POMT2: variants seen among roughly 807,000 people sequenced by gnomAD.
POMT2 encodes protein O-mannosyltransferase 2, also known as protein O-mannosyl-transferase 2.
POMT2 carries 75 observed loss-of-function variants against 100.0 expected under a neutral mutation model. The ratio of observed to expected loss-of-function variants is 0.75; its 90% confidence interval spans 0.62 to 0.91. The LOEUF (loss-of-function observed/expected upper bound fraction) is 0.91, where lower values mean the gene tolerates loss of function less well. Among genes scored for constraint, POMT2 ranks in the 40% least tolerant of loss-of-function variants. The pLI, the probability that POMT2 is intolerant of heterozygous loss-of-function variation, is 0.00. For synonymous variants in POMT2, 378 were observed against 374.1 expected (o/e 1.01, Z -0.12); for missense variants, 940 against 955.1 (o/e 0.98, Z 0.21).
chr14:77,288,812 G>A lies in POMT2; in HGVS notation c.1203C>T (p.Phe401=), dbSNP rs1487520826. The change falls in exon 11 of 21, where the codon TTC becomes TTT. Residue 401 remains phenylalanine, a synonymous_variant. Transcript: ENST00000261534. The stretch of plus-strand genomic sequence containing the variant: ...CTCCATGTCTTACAAACTCCACTGG[G>A]AAGGAAGGGTCTAGGGGATCTGCCA... ...NTNSDPLDPS[F]PVEFVRHGDI... is the part of the protein sequence containing the mutation. 1.9e-6 allele frequency: 3 copies of A among 1,613,906 alleles called. No homozygotes were observed. Among genetic ancestry groups the A allele is most frequent in the Middle Eastern group, 1.6e-4 (1 of 6,062 alleles).
intron 16 of POMT2, 44 bp downstream of exon 16, chr14:77,280,348 T>C (rs1375038590): frequency 1.6e-5 from 26 of 1,613,538 alleles, no homozygotes; most frequent in Non-Finnish European, 2.2e-5. Context: ...CTGCTCTTGT[T>C]CTTGGCTCCA....
At position 77,306,367 on chromosome 14, in the gene POMT2, A is replaced by G. The variant is rs1891229913; in HGVS notation, c.408T>C (p.Tyr136=). 1 of 1,613,180 alleles carries G rather than the reference A, an allele frequency of 6.2e-7. No individual in the cohort carries two copies. Among genetic ancestry groups the G allele is most frequent in the Middle Eastern group, 1.7e-4 (1 of 6,058 alleles). The change falls in exon 3 of 21, where the codon TAT becomes TAC. Residue 136 remains tyrosine (Y), a synonymous_variant. Transcript: ENST00000261534. ...TFLFQKPGDK[Y]EHHSYMGMRG... The stretch of plus-strand genomic sequence containing the variant: ...TCATTCCCATGTAGCTGTGATGCTC[A>G]TATTTATCCCCAGGCTTCTGGAACA...
intron 10 of POMT2, among the ~76,000 whole-genome samples, chr14:77,290,205 G>C (rs979410684): frequency 6.6e-6 from 1 of 152,154 alleles, no homozygotes; most frequent in Non-Finnish European, 1.5e-5. Context: ...AGTCACAATG[G>C]AATAACAGAC....
chr14:77,280,831 C>T (rs566614843), intron 15 of POMT2, among the ~76,000 whole-genome samples: 1 of 152,310 alleles, frequency 6.6e-6, no homozygotes, highest in East Asian at 1.9e-4. Context: ...GTGGCTCATG[C>T]CTGTAACCCC....
chr14:77,306,420 A>G lies in POMT2; in HGVS notation c.355T>C (p.Tyr119His). ...AAGGTACCATCATATCCACTCAGGT[A>G]GCCAGCAAGACCTATCAGCATCTGA... is the stretch of plus-strand genomic sequence containing the variant. ...LGKMLIGLAG[Y>H]LSGYDGTFLF... The change falls in exon 3 of 21, where the codon TAC becomes CAC. Residue 119 changes from tyrosine (Y) to histidine (H), a missense_variant. By Grantham distance (83) the Tyr-to-His change is moderately conservative. Coordinates refer to ENST00000261534, the MANE Select transcript of POMT2 (RefSeq NM_013382.7). The G allele has an allele frequency of 6.2e-7, 1 of 1,612,862 alleles. No individual in the cohort carries two copies. The highest frequency in any genetic ancestry group is 8.5e-7 in the Non-Finnish European group (1 of 1,178,942).
rs145472891 is a variant in POMT2, at chr14:77,295,995, T to C, written c.1116+169A>G. Among the ~76,000 whole-genome samples, 191 of 152,164 alleles carry C rather than the reference T, an allele frequency of 1.3e-3. 1 individual carries two copies. Among genetic ancestry groups the C allele is most frequent in the African/African-American group, 4.3e-3 (180 of 41,524 alleles). ...CATGGTTGTCACTAAAGAACACCTA[T>C]GCTGATGCCTAGAGAAGCTGGGGTT... On this transcript the variant is annotated intron_variant, in intron 9 of 20. Coordinates refer to ENST00000261534, the MANE Select transcript of POMT2 (RefSeq NM_013382.7).
chr14:77,279,753 C>A, intron 18 of POMT2, 70 bp downstream of exon 18: 1 of 1,470,282 alleles, frequency 6.8e-7, no homozygotes, highest in Non-Finnish European at 9.3e-7. Context: ...AGCAGGCAGC[C>A]GGCCCTCCCC....
intron 2 of POMT2, among the ~76,000 whole-genome samples, chr14:77,311,310 C>A (rs1347498823): frequency 6.6e-6 from 1 of 152,148 alleles, no homozygotes; most frequent in Admixed American, 6.5e-5. Flanking sequence ...GCAATGTATT[C>A]CTATTTCTTT....
intron 1 of POMT2, among the ~76,000 whole-genome samples, chr14:77,315,274 G>A (rs1344479003): frequency 6.6e-6 from 1 of 152,180 alleles, no homozygotes; most frequent in Non-Finnish European, 1.5e-5. Flanking sequence ...CACTGGGGAG[G>A]TCGTGATGCA....
intron 11 of POMT2, chr14:77,287,561 T>TAA (rs33924388): frequency 7.4e-6 from 1 of 135,706 alleles, no homozygotes; most frequent in African/African-American, 2.8e-5. Flanking sequence ...TATATATATA[T>TAA]ACCCACACAC....
chr14:77,306,391 CA>C lies in POMT2; in HGVS notation c.383del (p.Leu128CysfsTer17). 5 of 1,613,248 alleles carry C rather than the reference CA, an allele frequency of 3.1e-6. No individual in the cohort carries two copies. The highest frequency in any genetic ancestry group is 4.2e-6 in the Non-Finnish European group (5 of 1,179,256). On this transcript the variant is annotated frameshift_variant, in exon 3 of 21. Transcript: ENST00000261534. LOFTEE classifies it high-confidence loss of function. Reference protein sequence around the residue: ...GYLSGYDGTFLFQKPGDKYEH... With the variant: ...GYLSGYDGTFXFQKPGDKYEH... ...CATATTTATCCCCAGGCTTCTGGAA[CA>C]AAAAGGTACCATCATATCCACTCAG...
At chr14:77,304,862 C>T (rs746598387) in intron 3 of POMT2, 62 bp from the exon 4 acceptor site, 8 of 1,545,890 alleles carry the variant, frequency 5.2e-6, no homozygotes, top group Non-Finnish European at 7.0e-6. Flanking sequence ...ACCTACTGGA[C>T]TCAGTACAAC....
chr14:77,280,838 C>A (rs935038900), intron 15 of POMT2, among the ~76,000 whole-genome samples: 1 of 152,118 alleles, frequency 6.6e-6, no homozygotes, highest in Non-Finnish European at 1.5e-5. Context: ...ATGCCTGTAA[C>A]CCCAGCACTT....
intron 1 of POMT2, among the ~76,000 whole-genome samples, chr14:77,315,584 T>C (rs986917845): frequency 3.9e-5 from 6 of 152,208 alleles, no homozygotes; most frequent in Non-Finnish European, 7.3e-5. Flanking sequence ...CTGATACTGA[T>C]CCCATAAGTG....
chr14:77,286,646 A>G, intron 12 of POMT2, 98 bp downstream of exon 12: 1 of 1,552,802 alleles, frequency 6.4e-7, no homozygotes, highest in Non-Finnish European at 8.9e-7. Context: ...TATCCTCAGG[A>G]ACATTCCAGA....
At chr14:77,278,370 C>T in intron 20 of POMT2, 24 bp downstream of exon 20, 1 of 1,445,856 alleles carries the variant, frequency 6.9e-7, no homozygotes, top group Non-Finnish European at 9.5e-7. Flanking sequence ...ACTGGGAGGG[C>T]ATGTGAGGTG....
chr14:77,281,720 G>A (rs1276549371), intron 15 of POMT2, among the ~76,000 whole-genome samples: 2 of 152,160 alleles, frequency 1.3e-5, no homozygotes, highest in African/African-American at 4.8e-5. Context: ...GGACTGTCCC[G>A]TGCATTGCAG....
chr14:77,290,597 G>T (rs993054146), intron 10 of POMT2, among the ~76,000 whole-genome samples: 3 of 152,240 alleles, frequency 2.0e-5, no homozygotes, highest in African/African-American at 7.2e-5. Flanking sequence ...GGCTCGGAAG[G>T]TGAGTGGAAG....
chr14:77,292,520 A>T (rs1481156958), intron 9 of POMT2, among the ~76,000 whole-genome samples: 2 of 152,316 alleles, frequency 1.3e-5, no homozygotes, highest in South Asian at 4.1e-4. Context: ...CCGCAAAATA[A>T]ATGCTCCCAG....
Sources: gnomAD v4.1 joint callset for allele counts (sites outside exome capture counted in the v4.1 genomes callset) on GRCh38, gnomAD v4.1.1 for gene constraint, MANE v1.5 for transcripts, NCBI Gene and HGNC (gene_info 2026-07-23, HGNC 2026-07-21) for gene names.